Variants in MBNL1 observed in about 807,000 individuals in gnomAD.
MBNL1 encodes muscleblind like splicing regulator 1, also known as muscleblind-like protein 1.
Under a neutral mutation model 42.2 loss-of-function variants are expected in MBNL1, and 8 were observed. The ratio of observed to expected loss-of-function variants is 0.19; its 90% confidence interval spans 0.11 to 0.34. MBNL1 has a LOEUF of 0.34. MBNL1 is among the 10% of genes least tolerant of loss of function. The probability of loss-of-function intolerance (pLI) is 1.00; values close to 1 mark genes in which losing one functional copy is unlikely to be tolerated. For synonymous variants in MBNL1, 169 were observed against 173.9 expected (o/e 0.97, Z 0.22); for missense variants, 309 against 495.3 (o/e 0.62, Z 3.57).
intron 2 of MBNL1, among the ~76,000 whole-genome samples, chr3:152,410,240 C>T (rs1259482807): frequency 6.6e-6 from 1 of 151,856 alleles, no homozygotes; most frequent in Non-Finnish European, 1.5e-5. Flanking sequence ...TATATTTTCC[C>T]TTATTATAGC....
intron 2 of MBNL1, among the ~76,000 whole-genome samples, chr3:152,392,682 A>G (rs1019912053): frequency 3.9e-5 from 6 of 152,220 alleles, no homozygotes; most frequent in African/African-American, 1.4e-4. Context: ...TAACTGGGTG[A>G]GCCATAGTCT....
At chr3:152,312,903 A>G (rs1208141979) in intron 2 of MBNL1, among the ~76,000 whole-genome samples, 2 of 152,232 alleles carry the variant, frequency 1.3e-5, no homozygotes, top group African/African-American at 4.8e-5. Context: ...GGCGACAGGA[A>G]TAATGACAAT....
At chr3:152,291,252 TG>T (rs1446718128) in intron 1 of MBNL1, among the ~76,000 whole-genome samples, 5 of 152,224 alleles carry the variant, frequency 3.3e-5, no homozygotes, top group Non-Finnish European at 7.4e-5. Flanking sequence ...GTGTTTCTTT[TG>T]CTGGAATTGA....
At chr3:152,322,589 A>T (rs1360153785) in intron 2 of MBNL1, among the ~76,000 whole-genome samples, 1 of 152,094 alleles carries the variant, frequency 6.6e-6, no homozygotes, top group African/African-American at 2.4e-5. Context: ...CTGGGAAAAA[A>T]TGTCAGTTTT....
intron 2 of MBNL1, among the ~76,000 whole-genome samples, chr3:152,371,559 A>C (rs879596830): frequency 6.6e-6 from 1 of 152,144 alleles, no homozygotes; most frequent in Non-Finnish European, 1.5e-5. Context: ...TCTTGCCATC[A>C]TACTCCAGCC....
At chr3:152,320,003 T>C (rs1370538454) in intron 2 of MBNL1, among the ~76,000 whole-genome samples, 2 of 152,146 alleles carry the variant, frequency 1.3e-5, no homozygotes, top group Non-Finnish European at 2.9e-5. Flanking sequence ...ACATTATTCT[T>C]GATTTTACAG....
In MBNL1 at chr3:152,298,633, A is replaced by G. The variant is rs139383973; in HGVS notation, c.-789-772A>G. ...GTACGAATAAAGGATGCTTTTGTTCATATCTTGCCTGCCTGTGATATATTG... is the reference window on the plus strand; with the variant it reads ...GTACGAATAAAGGATGCTTTTGTTCGTATCTTGCCTGCCTGTGATATATTG... On this transcript the variant is annotated intron_variant, in intron 1 of 9. Transcript: ENST00000324210. Among the ~76,000 whole-genome samples, 473 of 152,346 alleles carry G rather than the reference A, an allele frequency of 3.1e-3. 3 individuals are homozygous for G. The highest frequency in any genetic ancestry group is 4.7e-3 in the Non-Finnish European group (322 of 68,028).
intron 3 of MBNL1, among the ~76,000 whole-genome samples, chr3:152,418,614 TA>T (rs35149542): frequency 1.5e-3 from 165 of 106,936 alleles, no homozygotes; most frequent in African/African-American, 2.0e-3. Context: ...ACCCTGTCTC[TA>T]AAAAAAAAAA....
intron 2 of MBNL1, among the ~76,000 whole-genome samples, chr3:152,403,034 A>C (rs1038381966): frequency 1.3e-5 from 2 of 152,196 alleles, no homozygotes; most frequent in African/African-American, 2.4e-5. Context: ...GCACAGGTAG[A>C]GAGTGTAGAA....
chr3:152,304,407 C>G (rs2061996789), intron 2 of MBNL1, among the ~76,000 whole-genome samples: 1 of 152,138 alleles, frequency 6.6e-6, no homozygotes, highest in Non-Finnish European at 1.5e-5. Flanking sequence ...CACTGATAAT[C>G]CTGATAAAAT....
At chr3:152,252,171 CCTTCCT>C in intron 2 of MBNL1, among the ~76,000 whole-genome samples, 2 of 146,200 alleles carry the variant, frequency 1.4e-5, no homozygotes, top group African/African-American at 5.1e-5. Flanking sequence ...TTCCTTCCTT[CCTTCCT>C]TCCCTCCTTC....
In MBNL1 at chr3:152,462,666, G is replaced by C. The variant is rs1747961587; in HGVS notation, c.*300G>C. 1 of 152,136 alleles carries C rather than the reference G, an allele frequency of 6.6e-6. No individual in the cohort carries two copies. The highest frequency in any genetic ancestry group is 2.4e-5 in the African/African-American group (1 of 41,438). 9.4% of individuals were successfully genotyped at this position (152,136 alleles called of 1,614,324 possible). A position where few individuals can be genotyped will look rare whatever the true frequency, so the allele number is the denominator to read the frequency against. ...TCTAGCACAGAGTTATGCATTCAAA[G>C]ATGCATACCTAGTTAGTTTCCTATA... On this transcript the variant is annotated 3_prime_UTR_variant, in exon 10 of 10. Coordinates refer to ENST00000324210, the MANE Select transcript of MBNL1 (RefSeq NM_021038.5).
intron 4 of MBNL1, among the ~76,000 whole-genome samples, chr3:152,445,081 T>G (rs1173793058): frequency 6.6e-6 from 1 of 152,216 alleles, no homozygotes; most frequent in Non-Finnish European, 1.5e-5. Context: ...ATGCATTTTC[T>G]TATGGACATT....
chr3:152,427,371 C>G (rs1486679503), intron 3 of MBNL1, among the ~76,000 whole-genome samples: 1 of 152,152 alleles, frequency 6.6e-6, no homozygotes, highest in African/African-American at 2.4e-5. Context: ...AACAGTATCT[C>G]TTATTTTATT....
intron 3 of MBNL1, among the ~76,000 whole-genome samples, chr3:152,432,345 G>A (rs948355177): frequency 3.9e-5 from 6 of 152,054 alleles, no homozygotes; most frequent in Admixed American, 3.3e-4. Flanking sequence ...ATTACAAAAT[G>A]TATTTGTTAG....
Position 152,459,353 on chromosome 3 carries a change from C to G in MBNL1, c.*18+8C>G. On this transcript the variant is annotated splice_region_variant and intron_variant, in intron 9 of 9. Transcript: ENST00000324210. ...AATTTTCATCACTAAACAGTAAGTT[C>G]ATTATGTAATATATAGTTGCATATT... is the stretch of plus-strand genomic sequence containing the variant. The G allele has an allele frequency of 6.8e-7, 1 of 1,481,164 alleles. No homozygotes were observed. The highest frequency in any genetic ancestry group is 9.2e-7 in the Non-Finnish European group (1 of 1,081,360). The allele number at this position is 1,481,164 out of a possible 1,614,324, so 91.8% of individuals were successfully genotyped here. A position where few individuals can be genotyped will look rare whatever the true frequency, so the allele number is the denominator to read the frequency against.
In MBNL1 at chr3:152,278,378, T is replaced by A. The variant is rs2046470297; in HGVS notation, c.-790+9286T>A. Among the ~76,000 whole-genome samples the A allele has an allele frequency of 1.3e-5, 2 of 152,126 alleles. 1 individual carries two copies. Among genetic ancestry groups the A allele is most frequent in the South Asian group, 4.1e-4 (2 of 4,826 alleles). On this transcript the variant is annotated intron_variant, in intron 1 of 9. Transcript: ENST00000324210. ...ACGACGGAGGATACAAGAAAATCTTTGATCCAGGAGTAGTCTCTCTGAAGC... is the reference window on the plus strand; with the variant it reads ...ACGACGGAGGATACAAGAAAATCTTAGATCCAGGAGTAGTCTCTCTGAAGC...
intron 3 of MBNL1, among the ~76,000 whole-genome samples, chr3:152,423,618 G>A (rs1460132256): frequency 6.6e-6 from 1 of 152,154 alleles, no homozygotes; most frequent in African/African-American, 2.4e-5. Context: ...AAATCTGGTA[G>A]AGACACAAGA....
rs1189766494 is a variant in MBNL1, at chr3:152,405,105, TCTC to T, written c.175-9833_175-9831del. On this transcript the variant is annotated intron_variant, in intron 2 of 9. Transcript: ENST00000324210. ...CAGTTGCTTACATTATGAAATATCT[TCTC>T]CTTTGCAGAACTCAAAAGGGTTGAA... Among the ~76,000 whole-genome samples the T allele has an allele frequency of 2.0e-5, 3 of 152,292 alleles. No individual in the cohort carries two copies. The South Asian group carries it at 6.2e-4, about 32-fold the overall frequency.
Sources: allele counts gnomAD v4.1 joint callset (sites outside exome capture counted in the v4.1 genomes callset), GRCh38; gene constraint gnomAD v4.1.1; transcripts MANE v1.5; gene names NCBI Gene and HGNC (gene_info 2026-07-23, HGNC 2026-07-21).